DYNC2I1: variants seen among roughly 807,000 people sequenced by gnomAD.
The protein encoded by DYNC2I1 is dynein 2 intermediate chain 1, also known as cytoplasmic dynein 2 intermediate chain 1.
Under a neutral mutation model 133.4 loss-of-function variants are expected in DYNC2I1, and 89 were observed. The observed-to-expected ratio is 0.67, with a 90% CI of 0.56 to 0.80. The LOEUF is 0.80. DYNC2I1 is among the 30% of genes least tolerant of loss of function. The pLI is 0.00. For missense variants in DYNC2I1, 1,291 were observed against 1,314.5 expected (o/e 0.98, Z 0.28); for synonymous variants, 504 against 484.3 (o/e 1.04, Z -0.54).
chr7:158,899,909 CTTT>C (rs1442902786), intron 8 of DYNC2I1, among the ~76,000 whole-genome samples: 3 of 152,140 alleles, frequency 2.0e-5, no homozygotes, highest in Non-Finnish European at 4.4e-5. Context: ...TGAAGAACTT[CTTT>C]TTATGTTGCT....
chr7:158,902,106 C>G (rs1183258247), intron 9 of DYNC2I1, among the ~76,000 whole-genome samples: 1 of 152,166 alleles, frequency 6.6e-6, no homozygotes, highest in East Asian at 1.9e-4. Context: ...CTTTCACATT[C>G]TCAGCACAAA....
Position 158,877,406 on chromosome 7 carries a change from A to G in DYNC2I1, c.573+715A>G, listed in dbSNP as rs183320884. Among the ~76,000 whole-genome samples, 20 of 152,380 alleles carry G rather than the reference A, an allele frequency of 1.3e-4. 1 individual carries two copies. The East Asian group carries it at 3.5e-3, about 26-fold the overall frequency. On this transcript the variant is annotated intron_variant, in intron 4 of 24. Transcript: ENST00000407559. ...TTTTCTTTAAATTATAAAGACATCC[A>G]GATGGTATGCTTTTTGGTTCGTTCA... is the stretch of plus-strand genomic sequence containing the variant.
the DYNC2I1 span, among the ~76,000 whole-genome samples, chr7:158,843,549 C>T: frequency 4.0e-5 from 6 of 151,838 alleles, no homozygotes; most frequent in East Asian, 1.9e-4. Flanking sequence ...TGTGAGCCAC[C>T]GCACCCAGCC....
intron 1 of DYNC2I1, among the ~76,000 whole-genome samples, chr7:158,858,829 CCCCCTCCCCTTT>C (rs1191415937): frequency 1.3e-5 from 1 of 76,124 alleles, no homozygotes; most frequent in African/African-American, 5.4e-5. Flanking sequence ...CTCTCCCCTC[CCCCCTCCCCTTT>C]CCCCTCCCTT....
At chr7:158,870,730 G>T (rs1842804566) in intron 2 of DYNC2I1, among the ~76,000 whole-genome samples, 1 of 152,048 alleles carries the variant, frequency 6.6e-6, no homozygotes, top group Admixed American at 6.5e-5. Flanking sequence ...ACAGGTGCAG[G>T]TTTCTTACAT....
At chr7:158,877,025 T>C (rs979421211) in intron 4 of DYNC2I1, among the ~76,000 whole-genome samples, 1 of 152,254 alleles carries the variant, frequency 6.6e-6, no homozygotes, top group Admixed American at 6.5e-5. Context: ...ATGTATAACA[T>C]TGTTTTCTTT....
At chr7:158,852,110 C>A (rs549586571), upstream of DYNC2I1, among the ~76,000 whole-genome samples, 1 of 151,870 alleles carries the variant, frequency 6.6e-6, no homozygotes, top group Admixed American at 6.6e-5. Flanking sequence ...AAGAGCTGGG[C>A]GCCTGAGATT....
At chr7:158,855,251 C>G (rs1584915408), upstream of DYNC2I1, among the ~76,000 whole-genome samples, 1 of 152,102 alleles carries the variant, frequency 6.6e-6, no homozygotes. Flanking sequence ...AGCCAGTGAG[C>G]CAGGAGTGCT....
At chr7:158,883,019 A>G (rs1844201210) in intron 5 of DYNC2I1, among the ~76,000 whole-genome samples, 1 of 152,172 alleles carries the variant, frequency 6.6e-6, no homozygotes, top group Non-Finnish European at 1.5e-5. Context: ...GATACTCAAA[A>G]TTAGTATCAA....
chr7:158,915,846 G>C (rs1848154203), intron 14 of DYNC2I1, among the ~76,000 whole-genome samples: 3 of 148,982 alleles, frequency 2.0e-5, no homozygotes, highest in African/African-American at 7.6e-5. Flanking sequence ...TCAACACGCT[G>C]GTTGACATTA....
Position 158,923,703 on chromosome 7 carries a change from T to C in DYNC2I1, c.2227T>C (p.Trp743Arg). ...HYSVTLSDGF[W>R]TFRTATFSTD... is the part of the protein sequence containing the mutation. ...CTCTGTGACGCTGAGCGATGGCTTCTGGACGTTCCGGACCGCCACGTTTTC... is the reference window on the plus strand; with the variant it reads ...CTCTGTGACGCTGAGCGATGGCTTCCGGACGTTCCGGACCGCCACGTTTTC... The change falls in exon 17 of 25, where the codon TGG becomes CGG. Residue 743 changes from tryptophan to arginine, a missense_variant. Trp to Arg is a moderately radical substitution (Grantham distance 101). Transcript: ENST00000407559. 1 of 1,613,392 alleles carries C rather than the reference T, an allele frequency of 6.2e-7. No homozygotes were observed. Among genetic ancestry groups the C allele is most frequent in the Non-Finnish European group, 8.5e-7 (1 of 1,179,404 alleles).
At chr7:158,949,183 C>T (rs547461385), downstream of DYNC2I1, among the ~76,000 whole-genome samples, 7 of 152,216 alleles carry the variant, frequency 4.6e-5, no homozygotes, top group East Asian at 1.9e-4. Context: ...AGGAACACCC[C>T]GCAGGTGGTG....
Position 158,915,949 on chromosome 7 carries a change from G to A in DYNC2I1, c.1791+1628G>A, listed in dbSNP as rs77478492. Reference sequence around the variant, plus strand: ...TTGACATTAAGGATGATTGTGAAACGTTGACACAGTGGTTGACATTAAGGA... The same window carrying A: ...TTGACATTAAGGATGATTGTGAAACATTGACACAGTGGTTGACATTAAGGA... On this transcript the variant is annotated intron_variant, in intron 14 of 24. Transcript: ENST00000407559. Among the ~76,000 whole-genome samples the A allele has an allele frequency of 4.7e-3, 311 of 66,716 alleles. 1 individual carries two copies. The highest frequency in any genetic ancestry group is 6.5e-3 in the African/African-American group (87 of 13,388). The allele number at this position is 66,716 out of a possible 152,430, so 43.8% of individuals were successfully genotyped here.
At chr7:158,852,459 G>A (rs1281899876), upstream of DYNC2I1, among the ~76,000 whole-genome samples, 3 of 151,694 alleles carry the variant, frequency 2.0e-5, no homozygotes, top group Non-Finnish European at 2.9e-5. Context: ...AGTTCAGACC[G>A]GCTGGGCATG....
At chr7:158,907,420 A>G (rs1227549254) in intron 11 of DYNC2I1, among the ~76,000 whole-genome samples, 6 of 152,094 alleles carry the variant, frequency 3.9e-5, no homozygotes, top group African/African-American at 1.2e-4. Flanking sequence ...TTATATTTTG[A>G]AAAACAAGAA....
rs572363410 is a variant in DYNC2I1, at chr7:158,886,443, T to C, written c.936-578T>C. On this transcript the variant is annotated intron_variant, in intron 6 of 24. Transcript: ENST00000407559. Reference sequence around the variant, plus strand: ...GCCACTGCGCCCGGCCGAGAACTTGTAAAGGATGTAGATTTGCACTCACAA... The same window carrying C: ...GCCACTGCGCCCGGCCGAGAACTTGCAAAGGATGTAGATTTGCACTCACAA... Among the ~76,000 whole-genome samples, 245 of 152,230 alleles carry C rather than the reference T, an allele frequency of 1.6e-3. 2 individuals carry two copies. Among genetic ancestry groups the C allele is most frequent in the South Asian group, 7.9e-3 (38 of 4,812 alleles).
intron 4 of DYNC2I1, among the ~76,000 whole-genome samples, chr7:158,955,433 G>C (rs558075958): frequency 2.7e-4 from 41 of 152,286 alleles, no homozygotes; most frequent in African/African-American, 9.9e-4. Context: ...TTTGGAAAAA[G>C]GTCCCCTAGG....
intron 20 of DYNC2I1, among the ~76,000 whole-genome samples, chr7:158,929,437 G>T (rs1250845140): frequency 1.3e-5 from 2 of 149,358 alleles, no homozygotes; most frequent in African/African-American, 5.0e-5. Flanking sequence ...GGCCCAGTCG[G>T]AAAGGGCCTG....
intron 24 of DYNC2I1, among the ~76,000 whole-genome samples, chr7:158,944,688 C>T (rs141388452): frequency 5.9e-5 from 9 of 152,220 alleles, no homozygotes; most frequent in Non-Finnish European, 1.3e-4. Flanking sequence ...GATTTTCACC[C>T]CTGTAGTGAC....
Sources: allele counts gnomAD v4.1 joint callset (sites outside exome capture counted in the v4.1 genomes callset), GRCh38; gene constraint gnomAD v4.1.1; transcripts MANE v1.5; gene names NCBI Gene and HGNC (gene_info 2026-07-23, HGNC 2026-07-21).